TUBGCP4: variants seen among roughly 807,000 people sequenced by gnomAD.
The protein encoded by TUBGCP4 is gamma-tubulin complex component 4.
Under a neutral mutation model 91.6 loss-of-function variants are expected in TUBGCP4, and 54 were observed. That is an observed-to-expected ratio of 0.59 (90% CI 0.47 to 0.74). The LOEUF (loss-of-function observed/expected upper bound fraction) is 0.74. Among genes scored for constraint, TUBGCP4 ranks in the 30% least tolerant of loss-of-function variants. TUBGCP4 has a pLI of 0.00. For missense variants in TUBGCP4, 593 were observed against 800.9 expected (o/e 0.74, Z 3.13); for synonymous variants, 297 against 302.8 (o/e 0.98, Z 0.20).
Position 43,400,170 on chromosome 15 carries a change from C to T in TUBGCP4, c.1545C>T (p.Arg515=), listed in dbSNP as rs1467958881. ...KSNQTDAIKW[R]LRNHMAFLVD... ...ACCAGACTGATGCAATCAAGTGGCG[C>T]CTAAGAAATCACATGGCATTTTTGG... The change falls in exon 14 of 18, where the codon CGC becomes CGT. Residue 515 remains arginine (R), a synonymous_variant. Transcript: ENST00000564079. 4.3e-6 allele frequency: 7 copies of T among 1,614,138 alleles called. No individual in the cohort carries two copies. The highest frequency in any genetic ancestry group is 5.1e-6 in the Non-Finnish European group (6 of 1,180,034).
At chr15:43,404,723 G>A (rs554426382) in intron 17 of TUBGCP4, 171 bp downstream of exon 17, 86 of 709,500 alleles carry the variant, frequency 1.2e-4, no homozygotes, top group African/African-American at 1.2e-3. Context: ...TTATTTTCTA[G>A]TAGAAGTCAT....
intron 12 of TUBGCP4, among the ~76,000 whole-genome samples, chr15:43,397,775 A>G (rs964524558): frequency 2.0e-5 from 3 of 152,174 alleles, no homozygotes; most frequent in Middle Eastern, 3.2e-3. Context: ...CAGTGGCACA[A>G]TCTTGGCTCA....
At chr15:43,372,996 A>C (rs1333769544) in intron 1 of TUBGCP4, among the ~76,000 whole-genome samples, 1 of 152,228 alleles carries the variant, frequency 6.6e-6, no homozygotes, top group Non-Finnish European at 1.5e-5. Context: ...ATGGAAGAAA[A>C]GAAGACAAAG....
chr15:43,386,022 C>G (rs1305011765), intron 8 of TUBGCP4, 66 bp downstream of exon 8: 45 of 1,581,164 alleles, frequency 2.8e-5, no homozygotes, highest in Non-Finnish European at 3.6e-5. Flanking sequence ...CTATGTGGCC[C>G]CACAGCATGC....
rs2044889708 is a variant in TUBGCP4 at position 43,406,537 on chromosome 15, G to A, written c.*1323G>A. On this transcript the variant is annotated 3_prime_UTR_variant, in exon 18 of 18. Transcript: ENST00000564079. ...GCTTTCATGCCCTCACAGCAAAGGC[G>A]AGTAGTTGTGATGGATCAAATGGCC... is the stretch of plus-strand genomic sequence containing the variant. The A allele has an allele frequency of 4.4e-6, 2 of 454,562 alleles. No homozygotes were observed. The highest frequency in any genetic ancestry group is 6.9e-5 in the East Asian group (1 of 14,408). The allele number at this position is 454,562 out of a possible 1,614,324, so 28.2% of individuals were successfully genotyped here. A position where few individuals can be genotyped will look rare whatever the true frequency, so the allele number is the denominator to read the frequency against.
chr15:43,386,172 C>T (rs780176978), intron 8 of TUBGCP4, 34 bp from the exon 9 acceptor site: 37 of 1,586,282 alleles, frequency 2.3e-5, no homozygotes, highest in South Asian at 6.9e-5. Flanking sequence ...GGGTATTCTC[C>T]GTCCTCCTTT....
intron 1 of TUBGCP4, among the ~76,000 whole-genome samples, chr15:43,375,479 C>T (rs1310488946): frequency 6.6e-6 from 1 of 152,130 alleles, no homozygotes; most frequent in East Asian, 1.9e-4. Context: ...TTTTTTCTAC[C>T]TGAACTGCTG....
At chr15:43,377,549 T>G (rs1043373836) in intron 4 of TUBGCP4, 1 of 330,026 alleles carries the variant, frequency 3.0e-6, no homozygotes, top group Non-Finnish European at 5.4e-6. Flanking sequence ...GGGGTGGAGG[T>G]TGCAGTGAGC....
intron 7 of TUBGCP4, 24 bp from the exon 8 acceptor site, chr15:43,385,767 G>T: frequency 6.2e-7 from 1 of 1,613,104 alleles, no homozygotes; most frequent in Non-Finnish European, 8.5e-7. Flanking sequence ...ACTGCATCTC[G>T]ATGTGTACTC....
intron 13 of TUBGCP4, chr15:43,399,054 G>A: frequency 1.0e-6 from 1 of 959,956 alleles, no homozygotes; most frequent in Admixed American, 2.9e-5. Context: ...TTATGTTTGG[G>A]TTTGTTCAAA....
Position 43,372,122 on chromosome 15 carries a change from T to C in TUBGCP4, c.78+690T>C, listed in dbSNP as rs112779040. On this transcript the variant is annotated intron_variant, in intron 1 of 17. Coordinates refer to ENST00000564079, the MANE Select transcript of TUBGCP4 (RefSeq NM_014444.5). Reference sequence around the variant, plus strand: ...CTTCAGTATTTGAACTACTTTTACCTGCTTCTGCTTCCAGTAATGTTATCT... The same window carrying C: ...CTTCAGTATTTGAACTACTTTTACCCGCTTCTGCTTCCAGTAATGTTATCT... Among the ~76,000 whole-genome samples, 974 of 152,330 alleles carry C rather than the reference T, an allele frequency of 6.4e-3. 9 individuals are homozygous for C. Among genetic ancestry groups the C allele is most frequent in the African/African-American group, 0.022 (926 of 41,572 alleles).
Position 43,408,694 on chromosome 15 carries a change from TCACA to T in TUBGCP4, c.*3483_*3486del, listed in dbSNP as rs968577221. 5 of 578,776 alleles carry T rather than the reference TCACA, an allele frequency of 8.6e-6. No homozygotes were observed. The highest frequency in any genetic ancestry group is 7.5e-5 in the African/African-American group (4 of 53,620). 35.9% of individuals were successfully genotyped at this position (578,776 alleles called of 1,614,324 possible). A position where few individuals can be genotyped will look rare whatever the true frequency, so the allele number is the denominator to read the frequency against. On this transcript the variant is annotated 3_prime_UTR_variant, in exon 18 of 18. Transcript: ENST00000564079. ...GAATATTGAACCTATATACAAATCT[TCACA>T]CATTTGCAAAAGGTTCCTAGCCAAT... is the stretch of plus-strand genomic sequence containing the variant.
rs2044331136 is a variant in TUBGCP4, at chr15:43,384,797, G to A, written c.724-994G>A. Among the ~76,000 whole-genome samples the A allele has an allele frequency of 2.0e-5, 3 of 152,314 alleles. 1 individual carries two copies. The highest frequency in any genetic ancestry group is 4.1e-4 in the South Asian group (2 of 4,824). ...GACTTCATGATAAATCACTCTGGAT[G>A]CTGTGTGGGGAATCATTTTTTAAAA... On this transcript the variant is annotated intron_variant, in intron 7 of 17. Transcript: ENST00000564079.
chr15:43,395,744 T>C (rs755573977), intron 11 of TUBGCP4, 56 bp downstream of exon 11: 139 of 1,446,816 alleles, frequency 9.6e-5, no homozygotes, highest in Non-Finnish European at 1.3e-4. Flanking sequence ...GGGTATTTCT[T>C]GGCTGCTGCT....
intron 1 of TUBGCP4, among the ~76,000 whole-genome samples, chr15:43,373,302 C>G (rs1235721162): frequency 6.6e-6 from 1 of 152,128 alleles, no homozygotes; most frequent in Non-Finnish European, 1.5e-5. Context: ...TCAGTAACTT[C>G]GAGTTATTAT....
Position 43,405,197 on chromosome 15 carries a change from T to A in TUBGCP4, c.1989-5T>A. 1 of 1,614,176 alleles carries A rather than the reference T, an allele frequency of 6.2e-7. No homozygotes were observed. Reference sequence around the variant, plus strand: ...ACTTAATAAGGCTCTTTTTCTCTTTTGTAGTTTCGGGATGTGAAAATTTCT... The same window carrying A: ...ACTTAATAAGGCTCTTTTTCTCTTTAGTAGTTTCGGGATGTGAAAATTTCT... On this transcript the variant is annotated splice_polypyrimidine_tract_variant and splice_region_variant and intron_variant, in intron 17 of 17. Coordinates refer to ENST00000564079, the MANE Select transcript of TUBGCP4 (RefSeq NM_014444.5).
Position 43,408,706 on chromosome 15 carries a change from A to G in TUBGCP4, c.*3492A>G. 1.7e-6 allele frequency: 1 copy of G among 596,784 alleles called. No individual in the cohort carries two copies. The highest frequency in any genetic ancestry group is 2.1e-5 in the South Asian group (1 of 47,820). The allele number at this position is 596,784 out of a possible 1,614,324, so 37.0% of individuals were successfully genotyped here. A position where few individuals can be genotyped will look rare whatever the true frequency, so the allele number is the denominator to read the frequency against. On this transcript the variant is annotated 3_prime_UTR_variant, in exon 18 of 18. Coordinates refer to ENST00000564079, the MANE Select transcript of TUBGCP4 (RefSeq NM_014444.5). Reference sequence around the variant, plus strand: ...TATATACAAATCTTCACACATTTGCAAAAGGTTCCTAGCCAATGTAACCTA... The same window carrying G: ...TATATACAAATCTTCACACATTTGCGAAAGGTTCCTAGCCAATGTAACCTA...
intron 14 of TUBGCP4, among the ~76,000 whole-genome samples, chr15:43,401,301 A>G (rs1220971582): frequency 6.6e-6 from 1 of 152,002 alleles, no homozygotes; most frequent in Non-Finnish European, 1.5e-5. Context: ...AAATACAAAA[A>G]TTAGCCATGC....
chr15:43,383,531 C>T, intron 7 of TUBGCP4, 27 bp downstream of exon 7: 3 of 1,558,978 alleles, frequency 1.9e-6, no homozygotes, highest in South Asian at 2.4e-5. Context: ...TAGCCTAGCA[C>T]TCTCCTGCCA....
Sources: allele counts gnomAD v4.1 joint callset (sites outside exome capture counted in the v4.1 genomes callset), GRCh38; gene constraint gnomAD v4.1.1; transcripts MANE v1.5; gene names NCBI Gene and HGNC (gene_info 2026-07-23, HGNC 2026-07-21).